Variants in CNOT6L observed in about 807,000 individuals in gnomAD.
CNOT6L encodes the protein CCR4-NOT transcription complex subunit 6 like.
CNOT6L carries 7 observed loss-of-function variants against 64.0 expected under a neutral mutation model. The ratio of observed to expected loss-of-function variants is 0.11; its 90% CI spans 0.06 to 0.21. The LOEUF (loss-of-function observed/expected upper bound fraction) is 0.21, where lower values mean the gene tolerates loss of function less well. CNOT6L is among the 10% of genes least tolerant of loss of function. The pLI, the probability that CNOT6L is intolerant of heterozygous loss-of-function variation, is 1.00. For missense variants in CNOT6L, 245 were observed against 669.0 expected (o/e 0.37, Z 6.99); for synonymous variants, 193 against 243.4 (o/e 0.79, Z 1.93).
chr4:77,725,805 C>A (rs566724375), intron 11 of CNOT6L, among the ~76,000 whole-genome samples: 1 of 149,166 alleles, frequency 6.7e-6, no homozygotes, highest in African/African-American at 2.5e-5. Flanking sequence ...CTGTGGGGGG[C>A]GGGAGGTTAG....
rs535702404 is a variant in CNOT6L, at chr4:77,765,203, TTACC to T, written c.400+7874_400+7877del. On this transcript the variant is annotated intron_variant, in intron 4 of 11. Transcript: ENST00000504123. ...CAAAGGCCATGGCAATGTCAGACAGTTACCCTATATGGTCGAAAAAGGGGAGGCA... is the reference window on the plus strand; with the variant it reads ...CAAAGGCCATGGCAATGTCAGACAGTCTATATGGTCGAAAAAGGGGAGGCA... Among the ~76,000 whole-genome samples the T allele has an allele frequency of 2.5e-3, 382 of 152,276 alleles. 4 individuals are homozygous for T. Among genetic ancestry groups the T allele is most frequent in the African/African-American group, 8.5e-3 (354 of 41,570 alleles).
chr4:77,752,558 C>G (rs1724971311), intron 5 of CNOT6L, among the ~76,000 whole-genome samples: 1 of 151,852 alleles, frequency 6.6e-6, no homozygotes, highest in African/African-American at 2.4e-5. Flanking sequence ...AGCTAGGAAC[C>G]TATGACAAAG....
chr4:77,764,926 A>T (rs1408252226), intron 4 of CNOT6L, among the ~76,000 whole-genome samples: 5 of 152,228 alleles, frequency 3.3e-5, no homozygotes, highest in African/African-American at 1.2e-4. Flanking sequence ...TCTCTGAACC[A>T]GAGCAACTCT....
At chr4:77,802,639 T>C (rs1264723930) in intron 1 of CNOT6L, among the ~76,000 whole-genome samples, 1 of 152,182 alleles carries the variant, frequency 6.6e-6, no homozygotes, top group African/African-American at 2.4e-5. Context: ...AAAGAAAACA[T>C]GCACTGAACA....
intron 1 of CNOT6L, among the ~76,000 whole-genome samples, chr4:77,785,210 G>T (rs1462569039): frequency 6.6e-6 from 1 of 152,054 alleles, no homozygotes; most frequent in East Asian, 1.9e-4. Flanking sequence ...CTAGAACAAT[G>T]GTATATCCAT....
chr4:77,811,576 A>G (rs1341191090), intron 1 of CNOT6L, among the ~76,000 whole-genome samples: 1 of 152,140 alleles, frequency 6.6e-6, no homozygotes, highest in Admixed American at 6.5e-5. Flanking sequence ...AATGGGGAAG[A>G]AAGGGAGAGG....
At chr4:77,736,992 A>G (rs60153001) in intron 8 of CNOT6L, among the ~76,000 whole-genome samples, 82,472 of 150,282 alleles carry the variant, frequency 0.55, 22,675 homozygotes, top group Admixed American at 0.57. Flanking sequence ...ACATAACTCA[A>G]TTTCTTACCA....
At chr4:77,722,110 C>A (rs1376724548) in intron 11 of CNOT6L, among the ~76,000 whole-genome samples, 2 of 152,114 alleles carry the variant, frequency 1.3e-5, no homozygotes, top group Non-Finnish European at 2.9e-5. Context: ...ATTATCCCTT[C>A]ATTTTGGTTA....
intron 1 of CNOT6L, among the ~76,000 whole-genome samples, chr4:77,793,078 C>T (rs1211282946): frequency 6.6e-6 from 1 of 151,672 alleles, no homozygotes; most frequent in African/African-American, 2.4e-5. Flanking sequence ...AATCCCTGCA[C>T]AAATATGACC....
chr4:77,760,425 C>T (rs565708753), intron 4 of CNOT6L, among the ~76,000 whole-genome samples: 3 of 151,780 alleles, frequency 2.0e-5, no homozygotes, highest in Admixed American at 1.3e-4. Flanking sequence ...AAACATGACA[C>T]TATCAAAATT....
rs1320336816 is a variant in CNOT6L, at chr4:77,807,859, T to C, written c.5+11445A>G. ...TGTCACTTACTTGACCTTCATCAAA[T>C]CTGCCTCTCTAAGCTTCAATTTCCT... On this transcript the variant is annotated intron_variant, in intron 1 of 11. Transcript: ENST00000504123. Among the ~76,000 whole-genome samples, 3 of 152,294 alleles carry C rather than the reference T, an allele frequency of 2.0e-5. No individual in the cohort carries two copies. In the East Asian group the frequency reaches 5.8e-4, roughly 29 times the overall value.
chr4:77,751,022 G>C (rs1479411725), intron 5 of CNOT6L, among the ~76,000 whole-genome samples: 1 of 152,132 alleles, frequency 6.6e-6, no homozygotes, highest in African/African-American at 2.4e-5. Context: ...GTCATACCAA[G>C]AACCAGGAAA....
chr4:77,789,200 A>G (rs1212366984), intron 1 of CNOT6L, among the ~76,000 whole-genome samples: 1 of 152,104 alleles, frequency 6.6e-6, no homozygotes, highest in Non-Finnish European at 1.5e-5. Flanking sequence ...TACAGCTCTT[A>G]GTCAAACCCA....
At chr4:77,774,801 A>G in intron 2 of CNOT6L, 85 bp from the exon 3 acceptor site, 1 of 824,024 alleles carries the variant, frequency 1.2e-6, no homozygotes, top group Non-Finnish European at 1.8e-6. Flanking sequence ...GTGGTAAGAG[A>G]GGCTGCAAAT....
rs1191989545 is a variant in CNOT6L at position 77,779,066 on chromosome 4, AAAAAAAACAC to A, written c.6-2684_6-2675del. 9.6e-5 allele frequency among the ~76,000 whole-genome samples: 10 copies of A among 104,228 alleles called. 1 individual carries two copies. The highest frequency in any genetic ancestry group is 2.9e-4 in the South Asian group (1 of 3,410). The allele number at this position is 104,228 out of a possible 152,430, so 68.4% of individuals were successfully genotyped here. A position where few individuals can be genotyped will look rare whatever the true frequency, so the allele number is the denominator to read the frequency against. ...TGTCTCAAAAAAAAAAAAAAAACAA[AAAAAAAACAC>A]AAAAAACACACAGGCATAGGATTAG... On this transcript the variant is annotated intron_variant, in intron 1 of 11. Transcript: ENST00000504123.
chr4:77,793,660 T>C (rs1194313713), intron 1 of CNOT6L, among the ~76,000 whole-genome samples: 14 of 152,072 alleles, frequency 9.2e-5, no homozygotes, highest in Admixed American at 9.2e-4. Context: ...CCCTGAGTAC[T>C]AAGCAGCAGC....
At chr4:77,766,406 AAAC>A (rs1442321172) in intron 4 of CNOT6L, among the ~76,000 whole-genome samples, 5 of 152,174 alleles carry the variant, frequency 3.3e-5, no homozygotes, top group African/African-American at 9.6e-5. Flanking sequence ...TTCTTAATAA[AAAC>A]TATTAGAAGC....
At chr4:77,769,667 A>C (rs1727318040) in intron 4 of CNOT6L, among the ~76,000 whole-genome samples, 1 of 152,136 alleles carries the variant, frequency 6.6e-6, no homozygotes, top group Non-Finnish European at 1.5e-5. Context: ...ATATTGGCTA[A>C]TAGGAGAATG....
chr4:77,753,795 TAAC>T (rs911455115), intron 5 of CNOT6L, among the ~76,000 whole-genome samples: 2 of 151,076 alleles, frequency 1.3e-5, no homozygotes, highest in Admixed American at 1.3e-4. Context: ...AAAGGTGGTA[TAAC>T]ATACAAAAAA....
Sources: allele counts gnomAD v4.1 joint callset (sites outside exome capture counted in the v4.1 genomes callset), GRCh38; gene constraint gnomAD v4.1.1; transcripts MANE v1.5; gene names NCBI Gene and HGNC (gene_info 2026-07-23, HGNC 2026-07-21).